The following ADARB2 variants were observed in gnomAD, a reference collection of about 807,000 sequenced individuals.
ADARB2 encodes inactive double-stranded RNA-specific editase B2.
Under a neutral mutation model 62.2 loss-of-function variants are expected in ADARB2, and 25 were observed. That is an observed-to-expected ratio of 0.40 (90% confidence interval 0.29 to 0.56). The LOEUF (loss-of-function observed/expected upper bound fraction) is 0.56, where lower values mean the gene tolerates loss of function less well. Among genes scored for constraint, ADARB2 ranks in the 20% least tolerant of loss-of-function variants. The pLI, the probability that ADARB2 is intolerant of heterozygous loss-of-function variation, is 0.43. For missense variants in ADARB2, 1,071 were observed against 1,077.4 expected (o/e 0.99, Z 0.08); for synonymous variants, 572 against 500.8 (o/e 1.14, Z -1.90).
chr10:1,619,640 TG>T (rs1222653341), intron 1 of ADARB2, among the ~76,000 whole-genome samples: 1 of 152,064 alleles, frequency 6.6e-6, no homozygotes, highest in Non-Finnish European at 1.5e-5. Context: ...TTAGTAGAGA[TG>T]GGGTTTCACC....
chr10:1,458,523 C>G (rs1588265406), intron 1 of ADARB2, among the ~76,000 whole-genome samples: 1 of 152,218 alleles, frequency 6.6e-6, no homozygotes, highest in African/African-American at 2.4e-5. Context: ...CAATGCCCCT[C>G]TTAGCCCTAT....
intron 1 of ADARB2, among the ~76,000 whole-genome samples, chr10:1,664,732 C>T (rs1834293254): frequency 6.6e-6 from 1 of 152,168 alleles, no homozygotes; most frequent in African/African-American, 2.4e-5. Context: ...TCACAGTCAG[C>T]AGACGGCAAG....
intron 3 of ADARB2, among the ~76,000 whole-genome samples, chr10:1,303,945 A>G (rs1405865289): frequency 6.6e-6 from 1 of 152,196 alleles, no homozygotes; most frequent in Non-Finnish European, 1.5e-5. Flanking sequence ...GACCATTGAG[A>G]CTAGGAAGAA....
At chr10:1,206,486 G>T (rs1277099392) in intron 7 of ADARB2, among the ~76,000 whole-genome samples, 16 of 150,926 alleles carry the variant, frequency 1.1e-4, no homozygotes, top group Admixed American at 1.1e-3. Context: ...GAGAACTGCG[G>T]GGTCTCCTCC....
intron 8 of ADARB2, among the ~76,000 whole-genome samples, chr10:1,194,397 G>A (rs1036238272): frequency 3.3e-5 from 5 of 152,130 alleles, no homozygotes; most frequent in Admixed American, 3.3e-4. Context: ...CCAGCTTGCC[G>A]GCCTGCCCTG....
chr10:1,627,727 A>G (rs1176090924), intron 1 of ADARB2, among the ~76,000 whole-genome samples: 2 of 152,194 alleles, frequency 1.3e-5, no homozygotes, highest in African/African-American at 4.8e-5. Flanking sequence ...CTCTCTCTAC[A>G]GCAGCTGTCT....
At chr10:1,253,468 C>T (rs148126577) in intron 4 of ADARB2, among the ~76,000 whole-genome samples, 1 of 152,326 alleles carries the variant, frequency 6.6e-6, no homozygotes, top group African/African-American at 2.4e-5. Flanking sequence ...CCAGGATGAG[C>T]ACTCGCTTGC....
intron 1 of ADARB2, among the ~76,000 whole-genome samples, chr10:1,517,444 G>C (rs1199070697): frequency 6.6e-6 from 1 of 152,182 alleles, no homozygotes; most frequent in Non-Finnish European, 1.5e-5. Context: ...TAGGTAGTAA[G>C]CCTAGAATTC....
At chr10:1,654,455 C>G (rs1834150440) in intron 1 of ADARB2, among the ~76,000 whole-genome samples, 2 of 152,288 alleles carry the variant, frequency 1.3e-5, no homozygotes, top group South Asian at 4.2e-4. Context: ...CTGCTTCTGT[C>G]TAAGCTCTGA....
intron 1 of ADARB2, among the ~76,000 whole-genome samples, chr10:1,695,215 A>G (rs546759578): frequency 6.6e-6 from 1 of 152,282 alleles, no homozygotes; most frequent in African/African-American, 2.4e-5. Context: ...GCTGCCCTGC[A>G]TGGTGAAGTG....
chr10:1,261,251 T>C (rs1213631511), intron 4 of ADARB2, among the ~76,000 whole-genome samples: 3 of 150,288 alleles, frequency 2.0e-5, no homozygotes, highest in Non-Finnish European at 1.5e-5. Flanking sequence ...GGGCAAGGAC[T>C]TCATGTCCAA....
chr10:1,210,489 A>G (rs1193287774), intron 7 of ADARB2, among the ~76,000 whole-genome samples: 1 of 152,206 alleles, frequency 6.6e-6, no homozygotes, highest in Non-Finnish European at 1.5e-5. Flanking sequence ...CCTAAAATGT[A>G]TGAGCAGCAC....
chr10:1,234,069 C>A (rs1830837238), intron 5 of ADARB2, among the ~76,000 whole-genome samples: 1 of 147,590 alleles, frequency 6.8e-6, no homozygotes, highest in Non-Finnish European at 1.5e-5. Flanking sequence ...CCACTGAGTT[C>A]AAGCAATTCT....
At chr10:1,260,252 TG>T (rs1451360602) in intron 4 of ADARB2, among the ~76,000 whole-genome samples, 2 of 152,192 alleles carry the variant, frequency 1.3e-5, no homozygotes, top group African/African-American at 4.8e-5. Flanking sequence ...AAGACAGGGA[TG>T]CCCTCTCTCA....
At chr10:1,306,556 CTACTT>C (rs1171115297) in intron 3 of ADARB2, among the ~76,000 whole-genome samples, 3 of 151,780 alleles carry the variant, frequency 2.0e-5, no homozygotes, top group Admixed American at 1.3e-4. Context: ...TTGGAAAAAA[CTACTT>C]TAAAGTTCAT....
chr10:1,674,143 T>A (rs1211483586), intron 1 of ADARB2, among the ~76,000 whole-genome samples: 1 of 152,224 alleles, frequency 6.6e-6, no homozygotes, highest in African/African-American at 2.4e-5. Context: ...GGCCCAGGAA[T>A]CAGCCCTGTG....
At chr10:1,675,607 T>TG (rs1362203783) in intron 1 of ADARB2, among the ~76,000 whole-genome samples, 3 of 148,112 alleles carry the variant, frequency 2.0e-5, no homozygotes, top group African/African-American at 5.0e-5. Flanking sequence ...AGGCTTGGGT[T>TG]GGGGGGTACA....
chr10:1,657,215 A>G (rs541239755), intron 1 of ADARB2, among the ~76,000 whole-genome samples: 3 of 152,320 alleles, frequency 2.0e-5, no homozygotes, highest in African/African-American at 7.2e-5. Flanking sequence ...TCAAAAAAGT[A>G]TGAAAGCAGC....
intron 3 of ADARB2, among the ~76,000 whole-genome samples, chr10:1,358,992 T>A (rs1832223809): frequency 6.6e-6 from 1 of 152,244 alleles, no homozygotes; most frequent in Admixed American, 6.5e-5. Flanking sequence ...CCTTTATGGT[T>A]GCGTTTTTGC....
Sources: gnomAD v4.1 joint callset for allele counts (sites outside exome capture counted in the v4.1 genomes callset) on GRCh38, gnomAD v4.1.1 for gene constraint, MANE v1.5 for transcripts, NCBI Gene and HGNC (gene_info 2026-07-23, HGNC 2026-07-21) for gene names.